SP110: variants seen among roughly 807,000 people sequenced by gnomAD.
SP110 encodes SP110 nuclear body protein.
SP110 carries 62 observed loss-of-function variants against 92.7 expected under a neutral mutation model. The observed-to-expected ratio is 0.67, with a 90% CI of 0.55 to 0.83. The LOEUF is 0.83. Among genes scored for constraint, SP110 ranks in the 40% least tolerant of loss-of-function variants. The pLI is 0.00. For missense variants in SP110, 793 were observed against 863.9 expected, an observed-to-expected ratio of 0.92 and a Z score of 1.03; for synonymous variants, 273 against 305.3, an observed-to-expected ratio of 0.89 and a Z score of 1.10.
At chr2:230,213,106 C>A (rs1388218420) in intron 3 of SP110, 79 bp from the exon 4 acceptor site, 1 of 1,398,682 alleles carries the variant, frequency 7.1e-7, no homozygotes, top group African/African-American at 1.4e-5. Context: ...TAATACATGC[C>A]TTCCAATAGG....
At chr2:230,186,219 T>C in intron 10 of SP110, 76 bp from the exon 11 acceptor site, 2 of 1,367,150 alleles carry the variant, frequency 1.5e-6, no homozygotes, top group South Asian at 1.2e-5. Flanking sequence ...TCAGGAGTTA[T>C]CTTGCCATTT....
chr2:230,179,961 C>T lies in SP110; in HGVS notation c.1349-1706G>A, dbSNP rs189757110. Among the ~76,000 whole-genome samples, 269 of 152,282 alleles carry T rather than the reference C, an allele frequency of 1.8e-3. 3 individuals carry two copies. The South Asian group carries it at 0.028, about 16-fold the overall frequency. ...CCAACTGTCCTATGCCTGAGGGCAG[C>T]CTGTTCCTAATAGTGCTAAGTCTGG... On this transcript the variant is annotated intron_variant, in intron 12 of 18. Coordinates refer to ENST00000258381, the MANE Select transcript of SP110 (RefSeq NM_080424.4).
At chr2:230,175,942 A>ATTTTTTTTTT (rs769329922) in intron 14 of SP110, among the ~76,000 whole-genome samples, 1 of 97,536 alleles carries the variant, frequency 1.0e-5, no homozygotes, top group Non-Finnish European at 2.5e-5. Flanking sequence ...ATGCTGCAGC[A>ATTTTTTTTTT]TTCTTTTTTT....
rs772377159 is a variant in SP110 at position 230,177,537 on chromosome 2, C to A, written c.1590+1G>T. 6.2e-7 allele frequency: 1 copy of A among 1,614,048 alleles called. No homozygotes were observed. Among genetic ancestry groups the A allele is most frequent in the South Asian group, 1.1e-5 (1 of 91,078 alleles). On this transcript the variant is annotated splice_donor_variant, in intron 14 of 18. Coordinates refer to ENST00000258381, the MANE Select transcript of SP110 (RefSeq NM_080424.4). LOFTEE classifies it high-confidence loss of function. ...ACCTATCTGTCCCGTCATTATAATA[C>A]CTTCAGCAGCTCTCCTAGGGTCATT...
chr2:230,210,189 G>C (rs41548221), intron 6 of SP110, among the ~76,000 whole-genome samples, 181 bp from the exon 7 acceptor site: 1 of 152,188 alleles, frequency 6.6e-6, no homozygotes, highest in Admixed American at 6.5e-5. Flanking sequence ...ATTGTTACCT[G>C]TGCGACCATC....
intron 12 of SP110, among the ~76,000 whole-genome samples, chr2:230,182,434 C>A (rs2042169549): frequency 6.6e-6 from 1 of 151,934 alleles, no homozygotes; most frequent in Non-Finnish European, 1.5e-5. Flanking sequence ...GCCTGCACAT[C>A]CTGCACATGT....
intron 10 of SP110, chr2:230,200,406 G>A (rs1326241558): frequency 5.6e-6 from 1 of 179,538 alleles, no homozygotes; most frequent in East Asian, 1.5e-4. Flanking sequence ...TACATGCTCA[G>A]TCATAGTGTC....
chr2:230,199,769 T>C (rs1253914937), intron 10 of SP110, among the ~76,000 whole-genome samples: 2 of 152,200 alleles, frequency 1.3e-5, no homozygotes, highest in African/African-American at 4.8e-5. Flanking sequence ...CCATAGGATC[T>C]TGGAAGTAAT....
chr2:230,214,865 G>T, intron 3 of SP110, 85 bp downstream of exon 3: 2 of 1,111,194 alleles, frequency 1.8e-6, no homozygotes, highest in South Asian at 1.3e-5. Flanking sequence ...GGATTAACGT[G>T]CATATTCCAC....
At chr2:230,195,471 A>G (rs1468414966) in intron 10 of SP110, among the ~76,000 whole-genome samples, 3 of 152,138 alleles carry the variant, frequency 2.0e-5, no homozygotes, top group Non-Finnish European at 4.4e-5. Context: ...AGTAGCTGGC[A>G]TAACAGGTAT....
intron 14 of SP110, among the ~76,000 whole-genome samples, chr2:230,174,453 C>T (rs569966157): frequency 1.2e-3 from 183 of 152,342 alleles, no homozygotes; most frequent in Non-Finnish European, 2.0e-3. Context: ...TTAGTGCCCT[C>T]CTGAGTCTCA....
At chr2:230,179,560 C>A (rs567412237) in intron 12 of SP110, among the ~76,000 whole-genome samples, 1 of 151,852 alleles carries the variant, frequency 6.6e-6, no homozygotes, top group African/African-American at 2.4e-5. Flanking sequence ...CCTAAGCGTG[C>A]ATTACTGTTA....
intron 11 of SP110, among the ~76,000 whole-genome samples, chr2:230,185,007 G>A (rs936866705): frequency 3.3e-5 from 5 of 152,192 alleles, no homozygotes; most frequent in African/African-American, 1.2e-4. Context: ...AGGCAGAGTC[G>A]AGTAGTTGCA....
chr2:230,179,228 A>G (rs1334161486), intron 12 of SP110, among the ~76,000 whole-genome samples: 3 of 152,164 alleles, frequency 2.0e-5, no homozygotes, highest in African/African-American at 2.4e-5. Flanking sequence ...CTGAGAGAGG[A>G]GGGACCCTGA....
intron 1 of SP110, among the ~76,000 whole-genome samples, chr2:230,217,850 C>T (rs1231191549): frequency 6.6e-6 from 1 of 152,222 alleles, no homozygotes; most frequent in East Asian, 1.9e-4. Context: ...GGGTAGAGTT[C>T]AGCTGGAAAC....
intron 10 of SP110, among the ~76,000 whole-genome samples, chr2:230,191,058 T>C (rs1336158167): frequency 6.6e-6 from 1 of 152,214 alleles, no homozygotes; most frequent in Non-Finnish European, 1.5e-5. Context: ...CGATTCCATA[T>C]GAAATTTAAA....
chr2:230,225,241 A>G (rs2046184897), intron 1 of SP110, among the ~76,000 whole-genome samples: 1 of 152,200 alleles, frequency 6.6e-6, no homozygotes, highest in Non-Finnish European at 1.5e-5. Flanking sequence ...GCCCAACCTC[A>G]GCACTTGCCT....
chr2:230,180,838 G>A (rs2042098066), intron 12 of SP110, among the ~76,000 whole-genome samples: 1 of 152,220 alleles, frequency 6.6e-6, no homozygotes, highest in South Asian at 2.1e-4. Context: ...ACCAGTGTTT[G>A]AGAGTAGGTG....
upstream of SP110, among the ~76,000 whole-genome samples, chr2:230,221,235 C>T (rs559927986): frequency 2.2e-4 from 33 of 149,710 alleles, no homozygotes; most frequent in African/African-American, 7.6e-4. Flanking sequence ...GAGCCGAGAT[C>T]GCACCACTGC....
Sources: gnomAD v4.1 joint callset for allele counts (sites outside exome capture counted in the v4.1 genomes callset) on GRCh38, gnomAD v4.1.1 for gene constraint, MANE v1.5 for transcripts, NCBI Gene and HGNC (gene_info 2026-07-23, HGNC 2026-07-21) for gene names.